Variants in KIF13A observed in about 807,000 individuals in gnomAD.
KIF13A encodes the protein kinesin-like protein KIF13A.
In KIF13A, 79 loss-of-function variants were observed where a neutral mutation model predicts 212.2. The ratio of observed to expected loss-of-function variants is 0.37; its 90% confidence interval spans 0.31 to 0.45. The LOEUF (loss-of-function observed/expected upper bound fraction) is 0.45. Among genes scored for constraint, KIF13A ranks in the 20% least tolerant of loss-of-function variants. KIF13A has a pLI of 1.00. For missense variants in KIF13A, 1,901 were observed against 2,209.0 expected, an observed-to-expected ratio of 0.86 and a Z score of 2.79; for synonymous variants, 789 against 808.6, an observed-to-expected ratio of 0.98 and a Z score of 0.41.
intron 20 of KIF13A, among the ~76,000 whole-genome samples, chr6:17,802,087 G>A (rs977417180): frequency 7.9e-5 from 12 of 152,120 alleles, no homozygotes; most frequent in African/African-American, 2.2e-4. Context: ...GGTGACACAT[G>A]TTCTGGTAGT....
At position 17,849,215 on chromosome 6, in the gene KIF13A, C is replaced by T. The variant is rs530938812; in HGVS notation, c.830+162G>A. On this transcript the variant is annotated intron_variant, in intron 9 of 38. Coordinates refer to ENST00000259711, the MANE Select transcript of KIF13A (RefSeq NM_022113.6). This position sits in a 1 kb window ranked among gnomAD's most constrained non-coding sequence, Gnocchi z 5.7. The stretch of plus-strand genomic sequence containing the variant: ...ACCGTGCCTGGCCAAAAACCTCATA[C>T]ATCTTAACAGACACAGGTTGTTGTT... Among the ~76,000 whole-genome samples, 25 of 152,308 alleles carry T rather than the reference C, an allele frequency of 1.6e-4. 1 individual carries two copies. The South Asian group carries it at 4.8e-3, about 29-fold the overall frequency.
In KIF13A at chr6:17,964,552, T is replaced by C. The variant is rs567772792; in HGVS notation, c.146+22502A>G. 2.0e-5 allele frequency among the ~76,000 whole-genome samples: 3 copies of C among 152,314 alleles called. No individual in the cohort carries two copies. The East Asian group carries it at 5.8e-4, about 29-fold the overall frequency. ...AAAATCAGTAGAAAAGTCAGTGTTA[T>C]CTACTTTATAAAAACAGTAGAAAAT... is the stretch of plus-strand genomic sequence containing the variant. On this transcript the variant is annotated intron_variant, in intron 2 of 38. Coordinates refer to ENST00000259711, the MANE Select transcript of KIF13A (RefSeq NM_022113.6).
chr6:17,977,282 C>T (rs1015752728), intron 2 of KIF13A, among the ~76,000 whole-genome samples: 3 of 152,134 alleles, frequency 2.0e-5, no homozygotes, highest in African/African-American at 4.8e-5. Context: ...TTTACCATGT[C>T]GTCTCTCATA....
chr6:17,825,262 T>C lies in KIF13A; in HGVS notation c.1786+506A>G, dbSNP rs1764864399. Among the ~76,000 whole-genome samples the C allele has an allele frequency of 6.6e-6, 1 of 152,210 alleles. No homozygotes were observed. Among genetic ancestry groups the C allele is most frequent in the African/African-American group, 2.4e-5 (1 of 41,456 alleles). On this transcript the variant is annotated intron_variant, in intron 16 of 38. Coordinates refer to ENST00000259711, the MANE Select transcript of KIF13A (RefSeq NM_022113.6). This position sits in a 1 kb window ranked among gnomAD's most constrained non-coding sequence, Gnocchi z 4.5. ...GTCAAATAAAGAGGCTATAAAGCATTTCATTTTCACTATCATTTTTGTAAA... is the reference window on the plus strand; with the variant it reads ...GTCAAATAAAGAGGCTATAAAGCATCTCATTTTCACTATCATTTTTGTAAA...
In KIF13A at chr6:17,939,080, A is replaced by T. The variant is rs550808068; in HGVS notation, c.147-40900T>A. Among the ~76,000 whole-genome samples the T allele has an allele frequency of 2.0e-5, 3 of 152,326 alleles. No homozygotes were observed. The South Asian group carries it at 6.2e-4, about 32-fold the overall frequency. ...TTATTTTCTCCAATTGAGTAAAAGT[A>T]TAAACAGAAACAAATTTAAATCTCA... On this transcript the variant is annotated intron_variant, in intron 2 of 38. Coordinates refer to ENST00000259711, the MANE Select transcript of KIF13A (RefSeq NM_022113.6).
Position 17,892,406 on chromosome 6 carries a change from C to T in KIF13A, c.159+5762G>A, listed in dbSNP as rs1772148794. Reference sequence around the variant, plus strand: ...ACCACTAGCCTCCCTACTGATCAAGCTTTGTTCAAAACAGGCAATAGAGAC... The same window carrying T: ...ACCACTAGCCTCCCTACTGATCAAGTTTTGTTCAAAACAGGCAATAGAGAC... On this transcript the variant is annotated intron_variant, in intron 3 of 38. Coordinates refer to ENST00000259711, the MANE Select transcript of KIF13A (RefSeq NM_022113.6). The surrounding 1 kb of genome is among the most constrained non-coding windows in gnomAD (Gnocchi z 4.7). 6.6e-6 allele frequency among the ~76,000 whole-genome samples: 1 copy of T among 152,160 alleles called. No homozygotes were observed. The highest frequency in any genetic ancestry group is 2.4e-5 in the African/African-American group (1 of 41,432).
At position 17,794,463 on chromosome 6, in the gene KIF13A, A is replaced by G. The variant is rs1761864022; in HGVS notation, c.3076-68T>C. ...GAAAAGGAACGGGATAAAGAAGGGGAAAAGGATTAGAGAATAAAGATACAA... is the reference window on the plus strand; with the variant it reads ...GAAAAGGAACGGGATAAAGAAGGGGGAAAGGATTAGAGAATAAAGATACAA... On this transcript the variant is annotated intron_variant, in intron 24 of 38. Coordinates refer to ENST00000259711, the MANE Select transcript of KIF13A (RefSeq NM_022113.6). The surrounding 1 kb of genome is among the most constrained non-coding windows in gnomAD (Gnocchi z 4.1). 1 of 1,565,450 alleles carries G rather than the reference A, an allele frequency of 6.4e-7. No individual in the cohort carries two copies. Among genetic ancestry groups the G allele is most frequent in the Non-Finnish European group, 8.7e-7 (1 of 1,147,746 alleles).
chr6:17,886,311 G>C lies in KIF13A; in HGVS notation c.159+11857C>G, dbSNP rs1013006701. 2.6e-5 allele frequency among the ~76,000 whole-genome samples: 4 copies of C among 152,166 alleles called. No individual in the cohort carries two copies. Among genetic ancestry groups the C allele is most frequent in the Admixed American group, 1.3e-4 (2 of 15,284 alleles). ...CAGGTACATAGAGCCACAGAGAGGA[G>C]AATGCTAGGCTGACTCCATGGCCCC... On this transcript the variant is annotated intron_variant, in intron 3 of 38. Coordinates refer to ENST00000259711, the MANE Select transcript of KIF13A (RefSeq NM_022113.6). The surrounding 1 kb of genome is among the most constrained non-coding windows in gnomAD (Gnocchi z 5.6).
At chr6:17,780,603 AC>A (rs1760475428) in intron 31 of KIF13A, 126 bp downstream of exon 31, 1 of 817,108 alleles carries the variant, frequency 1.2e-6, no homozygotes, top group Admixed American at 2.6e-5. Flanking sequence ...TGAGAATCAG[AC>A]TATAACTTGG....
chr6:17,826,111 C>G lies in KIF13A; in HGVS notation c.1546G>C (p.Gly516Arg), dbSNP rs1018752418. 1 of 1,613,662 alleles carries G rather than the reference C, an allele frequency of 6.2e-7. No homozygotes were observed. Among genetic ancestry groups the G allele is most frequent in the African/African-American group, 1.3e-5 (1 of 74,904 alleles). Residue 516 changes from glycine to arginine, a missense_variant, in exon 15 of 39, where the codon GGC (glycine) becomes CGC (arginine). Physicochemically the swap from Gly to Arg is moderately radical, Grantham distance 125 (BLOSUM62 -2). Coordinates refer to ENST00000259711, the MANE Select transcript of KIF13A (RefSeq NM_022113.6). The surrounding 1 kb of genome is among the most constrained non-coding windows in gnomAD (Gnocchi z 4.7). ...TGGGTGGTACTGCACACAAGGGTGC[C>G]GTTCACACAGGACCTGGGAGAACAC... ...PKENARSCVN[G>R]TLVCSTTQLW...
At chr6:17,803,007 CACTGCA>C (rs1033909051) in intron 20 of KIF13A, among the ~76,000 whole-genome samples, 3 of 149,786 alleles carry the variant, frequency 2.0e-5, no homozygotes, top group African/African-American at 4.9e-5. Context: ...GATCTTGGCT[CACTGCA>C]ACCTCCACCT....
intron 16 of KIF13A, among the ~76,000 whole-genome samples, chr6:17,823,092 A>G (rs1296750743): frequency 6.6e-6 from 1 of 151,168 alleles, no homozygotes; most frequent in Non-Finnish European, 1.5e-5. Context: ...GCTGGAGTGC[A>G]ATGGCACCAT....
At chr6:17,780,333 T>C (rs1282283836) in intron 31 of KIF13A, among the ~76,000 whole-genome samples, 1 of 152,254 alleles carries the variant, frequency 6.6e-6, no homozygotes, top group African/African-American at 2.4e-5. Context: ...TCAGTTTCAC[T>C]GACAGCACCT....
rs1762344420 is a variant in KIF13A, at chr6:17,799,939, A to G, written c.2616+13T>C. 2 of 1,612,486 alleles carry G rather than the reference A, an allele frequency of 1.2e-6. No homozygotes were observed. Among genetic ancestry groups the G allele is most frequent in the South Asian group, 1.1e-5 (1 of 90,924 alleles). ...AGGTCATTTATATGAGCCTCCCATCACTGTCCTCTCACCCGACATGTCAGC... is the reference window on the plus strand; with the variant it reads ...AGGTCATTTATATGAGCCTCCCATCGCTGTCCTCTCACCCGACATGTCAGC... On this transcript the variant is annotated intron_variant, in intron 21 of 38. Coordinates refer to ENST00000259711, the MANE Select transcript of KIF13A (RefSeq NM_022113.6). This position sits in a 1 kb window ranked among gnomAD's most constrained non-coding sequence, Gnocchi z 4.4.
intron 6 of KIF13A, among the ~76,000 whole-genome samples, chr6:17,854,546 ATTTTTTTTTTTT>A (rs36073765): frequency 7.8e-5 from 6 of 77,118 alleles, no homozygotes; most frequent in African/African-American, 2.2e-4. Context: ...AATCAGTATA[ATTTTTTTTTTTT>A]TTTTTTTTTT....
intron 6 of KIF13A, among the ~76,000 whole-genome samples, chr6:17,854,692 A>G (rs1767987683): frequency 6.7e-6 from 1 of 150,212 alleles, no homozygotes; most frequent in Non-Finnish European, 1.5e-5. Flanking sequence ...AGCTGGGATT[A>G]CAGATGCCCA....
rs1386232775 is a variant in KIF13A at position 17,785,590 on chromosome 6, A to G, written c.3413T>C (p.Val1138Ala). The G allele has an allele frequency of 6.2e-7, 1 of 1,605,800 alleles. No homozygotes were observed. The highest frequency in any genetic ancestry group is 2.2e-5 in the East Asian group (1 of 44,638). The change falls in exon 28 of 39, where the codon GTA becomes GCA. Residue 1138 changes from valine (V) to alanine (A), a missense_variant. Val to Ala is a moderately conservative substitution (Grantham distance 64, BLOSUM62 0). Around this residue, in one of 5 missense-constraint regions of KIF13A, gnomAD observed 168 missense variants for 250.9 expected, o/e 0.67. Coordinates refer to ENST00000259711, the MANE Select transcript of KIF13A (RefSeq NM_022113.6). This position sits in a 1 kb window ranked among gnomAD's most constrained non-coding sequence, Gnocchi z 5.8. Reference sequence around the variant, plus strand: ...AGCATTCCTTTCCTCAGTCAGCCCTACCCACTGCTCCACAAGCTGGGCTTC... The same window carrying G: ...AGCATTCCTTTCCTCAGTCAGCCCTGCCCACTGCTCCACAAGCTGGGCTTC... ...EREAQLVEQWVGLTEERNAVL... is the reference protein window; with the variant it reads ...EREAQLVEQWAGLTEERNAVL...
At position 17,918,588 on chromosome 6, in the gene KIF13A, G is replaced by A. The variant is rs1222223752; in HGVS notation, c.147-20408C>T. Reference sequence around the variant, plus strand: ...CTGGGTCTCAGCAGGTATGTGTGTCGAGTTATCTAAATGGACCTTGTGTTT... The same window carrying A: ...CTGGGTCTCAGCAGGTATGTGTGTCAAGTTATCTAAATGGACCTTGTGTTT... On this transcript the variant is annotated intron_variant, in intron 2 of 38. Coordinates refer to ENST00000259711, the MANE Select transcript of KIF13A (RefSeq NM_022113.6). The surrounding 1 kb of genome is among the most constrained non-coding windows in gnomAD (Gnocchi z 4.8). Among the ~76,000 whole-genome samples the A allele has an allele frequency of 2.0e-5, 3 of 152,104 alleles. No individual in the cohort carries two copies. The highest frequency in any genetic ancestry group is 2.9e-5 in the Non-Finnish European group (2 of 68,008).
rs1238230403 is a variant in KIF13A, at chr6:17,971,412, T to C, written c.146+15642A>G. Reference sequence around the variant, plus strand: ...TTTATAATAAAATATTAAAATTTAGTAGCGGTTTGTTTTTTTCCTTTTTTT... The same window carrying C: ...TTTATAATAAAATATTAAAATTTAGCAGCGGTTTGTTTTTTTCCTTTTTTT... On this transcript the variant is annotated intron_variant, in intron 2 of 38. Coordinates refer to ENST00000259711, the MANE Select transcript of KIF13A (RefSeq NM_022113.6). This position sits in a 1 kb window ranked among gnomAD's most constrained non-coding sequence, Gnocchi z 4.2. Among the ~76,000 whole-genome samples the C allele has an allele frequency of 1.3e-5, 2 of 152,140 alleles. No individual in the cohort carries two copies. Among genetic ancestry groups the C allele is most frequent in the South Asian group, 2.1e-4 (1 of 4,820 alleles).
Sources: allele counts gnomAD v4.1 joint callset (sites outside exome capture counted in the v4.1 genomes callset), GRCh38; gene constraint gnomAD v4.1.1; regional missense constraint gnomAD v4.1.1; non-coding constraint Gnocchi (gnomAD v3.1); transcripts MANE v1.5; gene names NCBI Gene and HGNC (gene_info 2026-07-23, HGNC 2026-07-21).